Variants in SEL1L2 observed in about 807,000 individuals in gnomAD.
SEL1L2 encodes SEL1L2 adaptor subunit of SYVN1 ubiquitin ligase, also known as protein sel-1 homolog 2.
SEL1L2 carries 89 observed loss-of-function variants against 98.8 expected under a neutral mutation model. The observed-to-expected ratio is 0.90, with a 90% CI of 0.76 to 1.07. The LOEUF (loss-of-function observed/expected upper bound fraction) is 1.07. SEL1L2 is among the 50% of genes least tolerant of loss of function. The pLI, the probability that SEL1L2 is intolerant of heterozygous loss-of-function variation, is 0.00. For missense variants in SEL1L2, 788 were observed against 812.0 expected, an observed-to-expected ratio of 0.97 and a Z score of 0.36; for synonymous variants, 262 against 278.5, an observed-to-expected ratio of 0.94 and a Z score of 0.59.
chr20:13,895,180 T>C (rs917099081), intron 5 of SEL1L2, among the ~76,000 whole-genome samples: 12 of 152,212 alleles, frequency 7.9e-5, no homozygotes, highest in South Asian at 4.1e-4. Context: ...CAGTGGCTCA[T>C]GCCTGTAATC....
At chr20:13,854,561 A>G (rs1988833698) in intron 18 of SEL1L2, among the ~76,000 whole-genome samples, 1 of 152,134 alleles carries the variant, frequency 6.6e-6, no homozygotes, top group African/African-American at 2.4e-5. Context: ...TTTTAGGCTT[A>G]ACTATAGCTA....
rs576835862 is a variant in SEL1L2 at position 13,900,813 on chromosome 20, C to T, written c.550-12301G>A. Among the ~76,000 whole-genome samples the T allele has an allele frequency of 5.3e-5, 8 of 152,242 alleles. No homozygotes were observed. The South Asian group carries it at 1.0e-3, about 20-fold the overall frequency. On this transcript the variant is annotated intron_variant, in intron 5 of 19. Coordinates refer to ENST00000284951, the MANE Select transcript of SEL1L2 (RefSeq NM_025229.2). ...AGTAATAAAATCCCCTTGTTAAATC[C>T]TCCTTGTTTATGGTCATTGGGGGCT...
chr20:13,866,737 T>C lies in SEL1L2; in HGVS notation c.1369A>G (p.Thr457Ala). The C allele has an allele frequency of 6.2e-7, 1 of 1,606,694 alleles. No homozygotes were observed. The highest frequency in any genetic ancestry group is 8.5e-7 in the Non-Finnish European group (1 of 1,177,710). The change falls in exon 15 of 20, where the codon ACA becomes GCA. Residue 457 changes from threonine to alanine, a missense_variant. Physicochemically the swap from Thr to Ala is moderately conservative, Grantham distance 58. Coordinates refer to ENST00000284951, the MANE Select transcript of SEL1L2 (RefSeq NM_025229.2). ...GTTCTGCATGATCTTACTACTCCTG[T>C]TCCTGTTGCATACATCTTGGCCAGA... ...YYLAKMYATG[T>A]GVVRSCRTAV...
At chr20:13,918,871 C>A in intron 4 of SEL1L2, 150 bp downstream of exon 4, 1 of 588,656 alleles carries the variant, frequency 1.7e-6, no homozygotes, top group Non-Finnish European at 3.0e-6. Flanking sequence ...ATTCTTTAAA[C>A]ACAATTTGAT....
At chr20:13,899,273 G>C (rs1178237867) in intron 5 of SEL1L2, among the ~76,000 whole-genome samples, 1 of 151,572 alleles carries the variant, frequency 6.6e-6, no homozygotes, top group African/African-American at 2.4e-5. Flanking sequence ...TTTTGTTTCT[G>C]ATTTTAATAT....
chr20:13,939,035 G>GTTTTTTTTTTTTTTTTTTTTTTTTTTTTT lies in SEL1L2; in HGVS notation c.115-7265_115-7264insAAAAAAAAAAAAAAAAAAAAAAAAAAAAA, dbSNP rs779584914. Among the ~76,000 whole-genome samples, 187 of 31,386 alleles carry GTTTTTTTTTTTTTTTTTTTTTTTTTTTTT rather than the reference G, an allele frequency of 6.0e-3. 21 individuals are homozygous for GTTTTTTTTTTTTTTTTTTTTTTTTTTTTT. Among genetic ancestry groups the GTTTTTTTTTTTTTTTTTTTTTTTTTTTTT allele is most frequent in the Middle Eastern group, 0.037 (2 of 54 alleles). 20.6% of individuals were successfully genotyped at this position (31,386 alleles called of 152,430 possible). On this transcript the variant is annotated intron_variant, in intron 2 of 19. Transcript: ENST00000284951. ...TTTTTTCTTTTTGGTTTGTTTGCTTGTTTTGTTTTTTTTTTTTTTTTTTTC... is the reference window on the plus strand; with the variant it reads ...TTTTTTCTTTTTGGTTTGTTTGCTTGTTTTTTTTTTTTTTTTTTTTTTTTTTTTTTTTTGTTTTTTTTTTTTTTTTTTTC...
chr20:13,913,772 C>T lies in SEL1L2; in HGVS notation c.549+10G>A, dbSNP rs764785503. On this transcript the variant is annotated intron_variant, in intron 5 of 19. Transcript: ENST00000284951. Reference sequence around the variant, plus strand: ...AGCTATTTAAGGTTTCATTTTCCTTCAAAACTCACGTTTTGGGCTTTACAT... The same window carrying T: ...AGCTATTTAAGGTTTCATTTTCCTTTAAAACTCACGTTTTGGGCTTTACAT... The T allele has an allele frequency of 8.0e-6, 12 of 1,508,784 alleles. No individual in the cohort carries two copies. Among genetic ancestry groups the T allele is most frequent in the Non-Finnish European group, 1.1e-5 (12 of 1,139,066 alleles). 93.5% of individuals were successfully genotyped at this position (1,508,784 alleles called of 1,614,324 possible).
intron 1 of SEL1L2, among the ~76,000 whole-genome samples, chr20:13,974,410 T>C (rs922990744): frequency 2.0e-4 from 30 of 150,874 alleles, no homozygotes; most frequent in East Asian, 3.9e-4. Context: ...GAGAGGGGAG[T>C]AGGGGTCAGA....
rs5840588 is a variant in SEL1L2 at position 13,917,786 on chromosome 20, C to CTTTTTTTTTTTT, written c.386+1223_386+1234dup. Among the ~76,000 whole-genome samples the CTTTTTTTTTTTT allele has an allele frequency of 1.2e-3, 61 of 50,104 alleles. 4 individuals are homozygous for CTTTTTTTTTTTT. Among genetic ancestry groups the CTTTTTTTTTTTT allele is most frequent in the African/African-American group, 3.2e-3 (35 of 11,024 alleles). The allele number at this position is 50,104 out of a possible 152,430, so 32.9% of individuals were successfully genotyped here. A position where few individuals can be genotyped will look rare whatever the true frequency, so the allele number is the denominator to read the frequency against. On this transcript the variant is annotated intron_variant, in intron 4 of 19. Transcript: ENST00000284951. The stretch of plus-strand genomic sequence containing the variant: ...CCATACTTTCTTTATTTCTTTCTTT[C>CTTTTTTTTTTTT]TTTTTTTTTTTTTTTTTTTTTTTTT...
chr20:13,862,556 T>G (rs1990306065), intron 17 of SEL1L2, among the ~76,000 whole-genome samples: 1 of 152,234 alleles, frequency 6.6e-6, no homozygotes, highest in East Asian at 1.9e-4. Context: ...TTTATTCCTT[T>G]AGGTACCGAA....
At chr20:13,958,198 A>G (rs958177387) in intron 1 of SEL1L2, among the ~76,000 whole-genome samples, 4 of 152,116 alleles carry the variant, frequency 2.6e-5, no homozygotes, top group African/African-American at 9.7e-5. Context: ...ATTAAATGAG[A>G]TCGTTTATAT....
At chr20:13,994,272 G>T (rs1362042481), upstream of SEL1L2, among the ~76,000 whole-genome samples, 1 of 147,140 alleles carries the variant, frequency 6.8e-6, no homozygotes. Context: ...CTCCAGCTGG[G>T]GGACAAGAGT....
At position 13,854,629 on chromosome 20, in the gene SEL1L2, T is replaced by C. The variant is rs113720089; in HGVS notation, c.1819-4310A>G. Among the ~76,000 whole-genome samples the C allele has an allele frequency of 1.1e-3, 167 of 152,364 alleles. 3 individuals are homozygous for C. The highest frequency in any genetic ancestry group is 0.01 in the Middle Eastern group (3 of 294). The stretch of plus-strand genomic sequence containing the variant: ...TCTTTGAAGGCTGTCTTGTTCTTAT[T>C]GTATCCACAGAACCAAGCACAGTGC... On this transcript the variant is annotated intron_variant, in intron 18 of 19. Transcript: ENST00000284951.
chr20:13,885,752 G>A (rs1014117926), intron 9 of SEL1L2, among the ~76,000 whole-genome samples: 4 of 152,124 alleles, frequency 2.6e-5, no homozygotes, highest in African/African-American at 9.7e-5. Flanking sequence ...AACCAACATT[G>A]GGGTTGGGCG....
chr20:13,934,090 C>T (rs2049285786), intron 2 of SEL1L2, among the ~76,000 whole-genome samples: 1 of 150,092 alleles, frequency 6.7e-6, no homozygotes. Flanking sequence ...ACACGGAACC[C>T]AATTTGTAGC....
chr20:13,909,333 C>T (rs1217842282), intron 5 of SEL1L2, among the ~76,000 whole-genome samples: 1 of 152,226 alleles, frequency 6.6e-6, no homozygotes, highest in Non-Finnish European at 1.5e-5. Flanking sequence ...AGCCATCAAA[C>T]TATTGTTTGT....
intron 3 of SEL1L2, among the ~76,000 whole-genome samples, chr20:13,926,109 G>A (rs879899668): frequency 6.6e-6 from 1 of 152,204 alleles, no homozygotes; most frequent in Non-Finnish European, 1.5e-5. Context: ...ACGAGGTCAG[G>A]AGATTGAGAC....
chr20:13,881,733 T>G (rs1265976935), intron 10 of SEL1L2, among the ~76,000 whole-genome samples: 1 of 152,196 alleles, frequency 6.6e-6, no homozygotes, highest in Non-Finnish European at 1.5e-5. Flanking sequence ...GCTAGTCATT[T>G]CCAGGTATCT....
chr20:13,944,003 A>G (rs1229659758), intron 2 of SEL1L2, among the ~76,000 whole-genome samples: 1 of 151,862 alleles, frequency 6.6e-6, no homozygotes, highest in Non-Finnish European at 1.5e-5. Flanking sequence ...CCAGGTGTGG[A>G]CTCCATCCAG....
Sources: allele counts gnomAD v4.1 joint callset (sites outside exome capture counted in the v4.1 genomes callset), GRCh38; gene constraint gnomAD v4.1.1; transcripts MANE v1.5; gene names NCBI Gene and HGNC (gene_info 2026-07-23, HGNC 2026-07-21).